MAP3K20: variants seen among roughly 807,000 people sequenced by gnomAD.
MAP3K20 encodes mitogen-activated protein kinase kinase kinase 20.
A neutral mutation model predicts 85.7 loss-of-function variants in MAP3K20; 40 were observed. That is an observed-to-expected ratio of 0.47 (90% CI 0.36 to 0.61). MAP3K20 has a LOEUF of 0.61. Ranked by LOEUF, MAP3K20 falls within the 20% of genes least tolerant of loss-of-function variation. The pLI, the probability that MAP3K20 is intolerant of heterozygous loss-of-function variation, is 0.00. For missense variants in MAP3K20, 817 were observed against 961.7 expected, an observed-to-expected ratio of 0.85 and a Z score of 1.99; for synonymous variants, 325 against 327.7, an observed-to-expected ratio of 0.99 and a Z score of 0.09.
intron 16 of MAP3K20, among the ~76,000 whole-genome samples, chr2:173,245,384 G>A (rs1684889611): frequency 6.6e-6 from 1 of 152,146 alleles, no homozygotes; most frequent in Non-Finnish European, 1.5e-5. Context: ...AGGAGTGGCT[G>A]CAGGGCCATC....
chr2:173,199,826 G>A (rs1200843695), intron 8 of MAP3K20, among the ~76,000 whole-genome samples: 1 of 152,062 alleles, frequency 6.6e-6, no homozygotes, highest in South Asian at 2.1e-4. Flanking sequence ...ATCCGTGAAG[G>A]ATTTTTAAAG....
At chr2:173,144,619 G>A (rs1489120925) in intron 2 of MAP3K20, among the ~76,000 whole-genome samples, 2 of 152,028 alleles carry the variant, frequency 1.3e-5, no homozygotes, top group African/African-American at 2.4e-5. Context: ...GATTCATTGA[G>A]CCTGGGAGTT....
intron 18 of MAP3K20, among the ~76,000 whole-genome samples, chr2:173,261,535 G>A (rs1685294478): frequency 6.6e-6 from 1 of 152,124 alleles, no homozygotes; most frequent in South Asian, 2.1e-4. Context: ...TGGGTGGAAG[G>A]CAACAGTTAT....
At chr2:173,221,466 A>G in intron 11 of MAP3K20, 2 of 1,612,572 alleles carry the variant, frequency 1.2e-6, no homozygotes. Context: ...GACTTGTCAG[A>G]AGGTGACGAT....
In MAP3K20 at chr2:173,266,796, A is replaced by AAAAG; in HGVS notation, c.*49_*50insGAAA. On this transcript the variant is annotated 3_prime_UTR_variant, in exon 20 of 20. Transcript: ENST00000375213. ...TTCTAAGCAGGTTAAAAAAAAAAAAAAAAAGAAATGTAATGGTTTTTGATA... is the reference window on the plus strand; with the variant it reads ...TTCTAAGCAGGTTAAAAAAAAAAAAAAAAGAAAAGAAATGTAATGGTTTTTGATA... 1 of 1,363,452 alleles carries AAAAG rather than the reference A, an allele frequency of 7.3e-7. No individual in the cohort carries two copies. Among genetic ancestry groups the AAAAG allele is most frequent in the African/African-American group, 1.5e-5 (1 of 68,524 alleles). 84.5% of individuals were successfully genotyped at this position (1,363,452 alleles called of 1,614,324 possible). A position where few individuals can be genotyped will look rare whatever the true frequency, so the allele number is the denominator to read the frequency against.
At chr2:173,200,116 T>C (rs1690997139) in intron 8 of MAP3K20, among the ~76,000 whole-genome samples, 1 of 152,226 alleles carries the variant, frequency 6.6e-6, no homozygotes, top group South Asian at 2.1e-4. Flanking sequence ...TTTCTCAACT[T>C]TCTAATGAAC....
intron 11 of MAP3K20, among the ~76,000 whole-genome samples, chr2:173,218,015 TG>T (rs1270224715): frequency 5.3e-5 from 8 of 152,212 alleles, no homozygotes; most frequent in Admixed American, 6.5e-5. Flanking sequence ...AATTTATAAT[TG>T]TTTTTTTTCC....
At chr2:173,234,176 A>C (rs924642963) in intron 14 of MAP3K20, among the ~76,000 whole-genome samples, 3 of 152,214 alleles carry the variant, frequency 2.0e-5, no homozygotes, top group African/African-American at 7.2e-5. Context: ...ATCTTTGAAA[A>C]GGCCCAGTAT....
At chr2:173,202,654 T>A (rs1337299347) in intron 8 of MAP3K20, among the ~76,000 whole-genome samples, 1 of 152,118 alleles carries the variant, frequency 6.6e-6, no homozygotes, top group Non-Finnish European at 1.5e-5. Context: ...ATGAAAGATG[T>A]TTTCCAGTGT....
Position 173,238,445 on chromosome 2 carries a change from G to GT in MAP3K20, c.1266+15dup. On this transcript the variant is annotated intron_variant, in intron 15 of 19. Coordinates refer to ENST00000375213, the MANE Select transcript of MAP3K20 (RefSeq NM_016653.3). Reference sequence around the variant, plus strand: ...CCCACCACTAATTAAGGTAAGTAAGGTTTTTCTTACCGACACTAATGCTAC... The same window carrying GT: ...CCCACCACTAATTAAGGTAAGTAAGGTTTTTTCTTACCGACACTAATGCTAC... 6.2e-7 allele frequency: 1 copy of GT among 1,606,916 alleles called. No individual in the cohort carries two copies. The highest frequency in any genetic ancestry group is 8.5e-7 in the Non-Finnish European group (1 of 1,175,176).
At chr2:173,076,630 A>C (rs1218488987) in intron 1 of MAP3K20, among the ~76,000 whole-genome samples, 1 of 152,260 alleles carries the variant, frequency 6.6e-6, no homozygotes, top group Non-Finnish European at 1.5e-5. Flanking sequence ...TGAACACTAA[A>C]GATTAGTTTT....
At chr2:173,192,066 A>G (rs570182223) in intron 7 of MAP3K20, among the ~76,000 whole-genome samples, 26 of 105,616 alleles carry the variant, frequency 2.5e-4, no homozygotes, top group Admixed American at 6.0e-4. Context: ...TTTACATCTC[A>G]TACTGCCCTG....
chr2:173,184,954 A>C (rs866886624), intron 4 of MAP3K20, among the ~76,000 whole-genome samples: 12 of 151,424 alleles, frequency 7.9e-5, no homozygotes, highest in Middle Eastern at 3.2e-3. Flanking sequence ...AAAATAAGGA[A>C]GGAGAGGCCA....
At chr2:173,090,949 T>A (rs1464510421) in intron 1 of MAP3K20, 49 bp from the exon 2 acceptor site, 1 of 1,516,436 alleles carries the variant, frequency 6.6e-7, no homozygotes, top group Non-Finnish European at 8.8e-7. Context: ...TCAGAGGATT[T>A]AGCCTAATAT....
chr2:173,250,880 A>G (rs777873555), intron 16 of MAP3K20, among the ~76,000 whole-genome samples: 1 of 152,234 alleles, frequency 6.6e-6, no homozygotes, highest in Non-Finnish European at 1.5e-5. Context: ...TAGATAAAGA[A>G]GAGAAGCAAA....
intron 2 of MAP3K20, among the ~76,000 whole-genome samples, chr2:173,150,422 G>A (rs1004765406): frequency 6.6e-6 from 1 of 152,104 alleles, no homozygotes; most frequent in Non-Finnish European, 1.5e-5. Context: ...TTTGATTTGT[G>A]GTCAGTGTCC....
intron 12 of MAP3K20, among the ~76,000 whole-genome samples, chr2:173,231,908 AATCACT>A (rs1402189737): frequency 5.3e-5 from 8 of 152,242 alleles, no homozygotes; most frequent in Admixed American, 5.2e-4. Context: ...TAAATGGAAA[AATCACT>A]ATAAGTAAGA....
chr2:173,076,665 A>G (rs1326148276), intron 1 of MAP3K20, among the ~76,000 whole-genome samples: 1 of 152,234 alleles, frequency 6.6e-6, no homozygotes, highest in Non-Finnish European at 1.5e-5. Context: ...ATGTATCCAG[A>G]GCCACCGCTC....
rs572589316 is a variant in MAP3K20 at position 173,267,194 on chromosome 2, T to C, written c.*444T>C. 1 of 153,104 alleles carries C rather than the reference T, an allele frequency of 6.5e-6. No individual in the cohort carries two copies. Among genetic ancestry groups the C allele is most frequent in the Admixed American group, 6.5e-5 (1 of 15,320 alleles). 9.5% of individuals were successfully genotyped at this position (153,104 alleles called of 1,614,324 possible). On this transcript the variant is annotated 3_prime_UTR_variant, in exon 20 of 20. Coordinates refer to ENST00000375213, the MANE Select transcript of MAP3K20 (RefSeq NM_016653.3). ...AAGGCACTGTTACTGATCTTGTCTT[T>C]AACATTTTGATATTTTGTTCATCAT... is the stretch of plus-strand genomic sequence containing the variant.
Sources: allele counts gnomAD v4.1 joint callset (sites outside exome capture counted in the v4.1 genomes callset), GRCh38; gene constraint gnomAD v4.1.1; transcripts MANE v1.5; gene names NCBI Gene and HGNC (gene_info 2026-07-23, HGNC 2026-07-21).